SLIT2: variants seen among roughly 807,000 people sequenced by gnomAD.
SLIT2 encodes the protein slit homolog 2 protein.
A neutral mutation model predicts 185.7 loss-of-function variants in SLIT2; 41 were observed. The observed-to-expected ratio is 0.22, with a 90% CI of 0.17 to 0.29. SLIT2 has a LOEUF of 0.29. Ranked by LOEUF, SLIT2 falls within the 10% of genes least tolerant of loss-of-function variation. The pLI is 1.00. For missense variants in SLIT2, 1,571 were observed against 1,909.0 expected (o/e 0.82, Z 3.30); for synonymous variants, 693 against 680.2 (o/e 1.02, Z -0.29).
At chr4:20,363,121 T>C (rs1722867609) in intron 4 of SLIT2, among the ~76,000 whole-genome samples, 1 of 152,108 alleles carries the variant, frequency 6.6e-6, no homozygotes, top group Admixed American at 6.6e-5. Flanking sequence ...ATATATATTG[T>C]TTTAAATGGG....
chr4:20,419,106 A>C (rs1428639524), intron 4 of SLIT2, among the ~76,000 whole-genome samples: 3 of 152,238 alleles, frequency 2.0e-5, no homozygotes, highest in Middle Eastern at 6.8e-3. Flanking sequence ...TATTATACAC[A>C]CTTTCAATTT....
intron 12 of SLIT2, among the ~76,000 whole-genome samples, chr4:20,522,363 G>T (rs1053744509): frequency 1.3e-5 from 2 of 152,164 alleles, no homozygotes; most frequent in Admixed American, 6.5e-5. Context: ...GACCAGTGGT[G>T]CCTGTTAGGG....
At chr4:20,369,539 G>A (rs922854331) in intron 4 of SLIT2, among the ~76,000 whole-genome samples, 8 of 152,014 alleles carry the variant, frequency 5.3e-5, no homozygotes, top group Non-Finnish European at 7.4e-5. Context: ...GGCCCCTTAC[G>A]GAAAACGTTT....
intron 29 of SLIT2, among the ~76,000 whole-genome samples, chr4:20,586,500 G>A (rs1264187539): frequency 6.6e-6 from 1 of 152,154 alleles, no homozygotes. Flanking sequence ...TTTTACAGTC[G>A]AGAAAAGAGA....
At chr4:20,605,085 T>C (rs541150959) in intron 33 of SLIT2, among the ~76,000 whole-genome samples, 3 of 150,766 alleles carry the variant, frequency 2.0e-5, no homozygotes, top group African/African-American at 7.3e-5. Flanking sequence ...CCACCCACCT[T>C]GGCCTCCCAA....
chr4:20,287,420 C>G (rs1715363353), intron 4 of SLIT2, among the ~76,000 whole-genome samples: 1 of 152,182 alleles, frequency 6.6e-6, no homozygotes, highest in Admixed American at 6.5e-5. Context: ...CTTCCTGCTC[C>G]TTCACTGCCT....
intron 2 of SLIT2, 140 bp downstream of exon 2, chr4:20,256,883 A>G: frequency 1.9e-6 from 1 of 516,412 alleles, no homozygotes; most frequent in Non-Finnish European, 3.4e-6. Flanking sequence ...TTCTGTGTTT[A>G]TCATTGTACT....
intron 4 of SLIT2, among the ~76,000 whole-genome samples, chr4:20,287,510 A>T (rs1715373137): frequency 6.6e-6 from 1 of 152,072 alleles, no homozygotes; most frequent in Non-Finnish European, 1.5e-5. Flanking sequence ...GTTCATATTT[A>T]TTTATCTCAT....
chr4:20,422,644 G>A (rs914832697), intron 4 of SLIT2, among the ~76,000 whole-genome samples: 1 of 152,122 alleles, frequency 6.6e-6, no homozygotes, highest in Non-Finnish European at 1.5e-5. Flanking sequence ...GGCTCTTTCA[G>A]ATGGTCTGAT....
chr4:20,520,796 CTCTT>C (rs1411280617), intron 12 of SLIT2, among the ~76,000 whole-genome samples: 2 of 152,126 alleles, frequency 1.3e-5, no homozygotes, highest in Admixed American at 6.6e-5. Flanking sequence ...CCCCAATTCT[CTCTT>C]TATTTTCTCA....
intron 5 of SLIT2, among the ~76,000 whole-genome samples, chr4:20,475,316 GT>G (rs5856561): frequency 0.48 from 68,226 of 140,684 alleles, 16,083 homozygotes; most frequent in Admixed American, 0.62. Flanking sequence ...TGAGGTTTTG[GT>G]TTTTTTTTTT....
At chr4:20,472,470 A>C (rs1715439421) in intron 5 of SLIT2, among the ~76,000 whole-genome samples, 3 of 54,564 alleles carry the variant, frequency 5.5e-5, no homozygotes, top group African/African-American at 8.5e-5. Context: ...CTATATCTAT[A>C]TATAGATATA....
intron 18 of SLIT2, among the ~76,000 whole-genome samples, chr4:20,535,869 T>A (rs1290979688): frequency 6.6e-6 from 1 of 152,100 alleles, no homozygotes; most frequent in East Asian, 1.9e-4. Context: ...AATATACGTA[T>A]GTTCTGATAA....
intron 4 of SLIT2, among the ~76,000 whole-genome samples, chr4:20,429,194 A>G (rs1385218087): frequency 1.3e-5 from 2 of 151,866 alleles, no homozygotes; most frequent in African/African-American, 4.8e-5. Flanking sequence ...ATTTAATATC[A>G]TTAAAAGACT....
intron 29 of SLIT2, among the ~76,000 whole-genome samples, chr4:20,570,895 G>A (rs1039363085): frequency 2.6e-5 from 4 of 151,656 alleles, no homozygotes; most frequent in Non-Finnish European, 5.9e-5. Flanking sequence ...TTTGACTTTA[G>A]ATTTGCTATT....
intron 4 of SLIT2, among the ~76,000 whole-genome samples, chr4:20,374,374 T>A (rs185375201): frequency 8.5e-4 from 129 of 152,246 alleles, no homozygotes; most frequent in African/African-American, 2.9e-3. Context: ...TGAAGCAAAA[T>A]TGTTCTTTAA....
chr4:20,510,590 A>T, intron 10 of SLIT2, 24 bp downstream of exon 10: 1 of 1,462,590 alleles, frequency 6.8e-7, no homozygotes, highest in Non-Finnish European at 9.6e-7. Flanking sequence ...ATTCTACAAT[A>T]TATGTAATTT....
intron 18 of SLIT2, among the ~76,000 whole-genome samples, chr4:20,535,258 C>A (rs555460176): frequency 4.6e-4 from 70 of 152,066 alleles, no homozygotes; most frequent in African/African-American, 1.6e-3. Flanking sequence ...GAGATTGCTC[C>A]ACTACACTCC....
chr4:20,558,938 A>T (rs1299873745), intron 26 of SLIT2, among the ~76,000 whole-genome samples: 2 of 152,008 alleles, frequency 1.3e-5, no homozygotes, highest in Admixed American at 6.6e-5. Flanking sequence ...ACTGAAATAT[A>T]CATGCATGTC....
Sources: gnomAD v4.1 joint callset for allele counts (sites outside exome capture counted in the v4.1 genomes callset) on GRCh38, gnomAD v4.1.1 for gene constraint, MANE v1.5 for transcripts, NCBI Gene and HGNC (gene_info 2026-07-23, HGNC 2026-07-21) for gene names.